The following RCSD1 variants were observed in gnomAD, a reference collection of about 807,000 sequenced individuals.
The protein encoded by RCSD1 is RCSD domain containing 1.
Under a neutral mutation model 42.5 loss-of-function variants are expected in RCSD1, and 26 were observed. The observed-to-expected ratio is 0.61, with a 90% CI of 0.45 to 0.85. The LOEUF (loss-of-function observed/expected upper bound fraction) is 0.85, where lower values mean the gene tolerates loss of function less well. RCSD1 is among the 40% of genes least tolerant of loss of function. RCSD1 has a pLI of 0.00. For missense variants in RCSD1, 571 were observed against 528.3 expected (o/e 1.08, Z -0.79); for synonymous variants, 220 against 212.2 (o/e 1.04, Z -0.32).
intron 4 of RCSD1, among the ~76,000 whole-genome samples, chr1:167,693,381 G>A (rs901807487): frequency 1.3e-5 from 2 of 152,176 alleles, no homozygotes; most frequent in Non-Finnish European, 2.9e-5. Context: ...TGAGGCTTTC[G>A]TTACCTTTGG....
At chr1:167,649,765 C>T (rs147356155) in intron 1 of RCSD1, among the ~76,000 whole-genome samples, 1 of 152,274 alleles carries the variant, frequency 6.6e-6, no homozygotes, top group East Asian at 1.9e-4. Context: ...CTATCTAAGG[C>T]CTAGCTGACG....
chr1:167,645,030 T>G (rs569971146), intron 1 of RCSD1, among the ~76,000 whole-genome samples: 12 of 152,356 alleles, frequency 7.9e-5, no homozygotes, highest in African/African-American at 2.9e-4. Context: ...GAAGAAAGTC[T>G]CCAGTGGCAG....
chr1:167,654,795 C>T (rs1420428837), intron 1 of RCSD1, among the ~76,000 whole-genome samples: 1 of 152,010 alleles, frequency 6.6e-6, no homozygotes, highest in Non-Finnish European at 1.5e-5. Flanking sequence ...GTGATGGCAG[C>T]CTGAAGTTCA....
rs551463861 is a variant in RCSD1 at position 167,644,683 on chromosome 1, TG to T, written c.6+14257del. On this transcript the variant is annotated intron_variant, in intron 1 of 6. Transcript: ENST00000367854. ...CTTCCACTTCCTCCCCCCACATACCTGGGTTGCCTGTACCCTGACAATTCCT... is the reference window on the plus strand; with the variant it reads ...CTTCCACTTCCTCCCCCCACATACCTGGTTGCCTGTACCCTGACAATTCCT... Among the ~76,000 whole-genome samples, 1,284 of 152,266 alleles carry T rather than the reference TG, an allele frequency of 8.4e-3. 30 individuals carry two copies. Among genetic ancestry groups the T allele is most frequent in the Non-Finnish European group, 6.8e-3 (461 of 68,020 alleles).
At position 167,704,669 on chromosome 1, in the gene RCSD1, C is replaced by T. The variant is rs373603774; in HGVS notation, c.1224C>T (p.Asp408=). The change falls in exon 7 of 7, where the codon GAC becomes GAT. Residue 408 remains aspartate (D), a synonymous_variant. Coordinates refer to ENST00000367854, the MANE Select transcript of RCSD1 (RefSeq NM_052862.4). ...CTTTCCTCCCCTGTTCACAGGATGA[C>T]ACTCCTGTCCAGGACACTAAAATGT... ...SEPAVPKPED[D]TPVQDTKM is the part of the protein sequence containing the mutation. 15 of 1,612,424 alleles carry T rather than the reference C, an allele frequency of 9.3e-6. No individual in the cohort carries two copies. Among genetic ancestry groups the T allele is most frequent in the Middle Eastern group, 1.6e-4 (1 of 6,070 alleles).
At chr1:167,691,419 C>T (rs1659373836) in intron 4 of RCSD1, among the ~76,000 whole-genome samples, 1 of 152,214 alleles carries the variant, frequency 6.6e-6, no homozygotes, top group South Asian at 2.1e-4. Context: ...GGAAGATGTT[C>T]CCCGTGGGGG....
chr1:167,670,186 G>C (rs1658768208), intron 1 of RCSD1, among the ~76,000 whole-genome samples: 1 of 152,060 alleles, frequency 6.6e-6, no homozygotes, highest in Admixed American at 6.5e-5. Context: ...TTTTATTATT[G>C]AACTAACCAA....
intron 3 of RCSD1, among the ~76,000 whole-genome samples, chr1:167,685,724 C>T (rs796961448): frequency 3.8e-4 from 58 of 152,282 alleles, no homozygotes; most frequent in African/African-American, 1.3e-3. Context: ...ACTGAGGCTC[C>T]TTTATGATTT....
intron 1 of RCSD1, among the ~76,000 whole-genome samples, chr1:167,639,616 C>G (rs1211270233): frequency 6.6e-6 from 1 of 152,202 alleles, no homozygotes; most frequent in Non-Finnish European, 1.5e-5. Context: ...CCTCAGCCTC[C>G]CAAGTAGCTG....
intron 1 of RCSD1, among the ~76,000 whole-genome samples, chr1:167,656,774 T>C (rs761955749): frequency 6.6e-6 from 1 of 152,186 alleles, no homozygotes; most frequent in Admixed American, 6.5e-5. Flanking sequence ...GGAAACAAGC[T>C]ACAAAGCTGG....
rs373658923 is a variant in RCSD1 at position 167,697,213 on chromosome 1, G to T, written c.589G>T (p.Gly197Cys). ...FRAVESSQQN[G>C]AKEEDGDEVL... is the part of the protein sequence containing the mutation. ...GGCGGTGGAGTCATCTCAGCAGAAC[G>T]GTGCTAAGGAAGAGGATGGGGATGA... is the stretch of plus-strand genomic sequence containing the variant. Residue 197 changes from glycine (G) to cysteine (C), a missense_variant, in exon 6 of 7, where the codon GGT (glycine) becomes TGT (cysteine). By Grantham distance (159) the Gly-to-Cys change is radical. Coordinates refer to ENST00000367854, the MANE Select transcript of RCSD1 (RefSeq NM_052862.4). 1 of 1,614,064 alleles carries T rather than the reference G, an allele frequency of 6.2e-7. No homozygotes were observed. Among genetic ancestry groups the T allele is most frequent in the African/African-American group, 1.3e-5 (1 of 74,930 alleles).
chr1:167,693,909 G>A (rs1571104079), intron 4 of RCSD1, among the ~76,000 whole-genome samples, 190 bp from the exon 5 acceptor site: 2 of 149,898 alleles, frequency 1.3e-5, no homozygotes, highest in South Asian at 4.3e-4. Flanking sequence ...GGTAGCAGAG[G>A]AGGATAGAGT....
At chr1:167,699,487 A>G (rs534316632) in intron 6 of RCSD1, among the ~76,000 whole-genome samples, 17 of 151,134 alleles carry the variant, frequency 1.1e-4, no homozygotes, top group Non-Finnish European at 2.5e-4. Context: ...TAGATGCACC[A>G]CTCCAGTCTC....
intron 3 of RCSD1, among the ~76,000 whole-genome samples, chr1:167,687,724 G>A (rs1659271027): frequency 6.6e-6 from 1 of 152,194 alleles, no homozygotes; most frequent in African/African-American, 2.4e-5. Context: ...CCAATGCACA[G>A]TGCCAGGAAG....
At chr1:167,703,196 G>A (rs1337335042) in intron 6 of RCSD1, among the ~76,000 whole-genome samples, 1 of 151,968 alleles carries the variant, frequency 6.6e-6, no homozygotes, top group African/African-American at 2.4e-5. Context: ...AGTTCTTTTG[G>A]GGACACACTC....
At position 167,648,045 on chromosome 1, in the gene RCSD1, T is replaced by G. The variant is rs566455016; in HGVS notation, c.6+17616T>G. On this transcript the variant is annotated intron_variant, in intron 1 of 6. Coordinates refer to ENST00000367854, the MANE Select transcript of RCSD1 (RefSeq NM_052862.4). ...CGAATTTTCCACATCTTTATTAGTTTTAGCCAAATGCATAATTCTTACATA... is the reference window on the plus strand; with the variant it reads ...CGAATTTTCCACATCTTTATTAGTTGTAGCCAAATGCATAATTCTTACATA... Among the ~76,000 whole-genome samples, 6 of 152,324 alleles carry G rather than the reference T, an allele frequency of 3.9e-5. No individual in the cohort carries two copies. In the South Asian group the frequency reaches 1.0e-3, roughly 26 times the overall value.
intron 1 of RCSD1, among the ~76,000 whole-genome samples, chr1:167,634,545 T>C (rs1319231729): frequency 6.6e-6 from 1 of 152,008 alleles, no homozygotes; most frequent in Non-Finnish European, 1.5e-5. Context: ...AGGACAGAGG[T>C]GTGTAAAGAA....
intron 1 of RCSD1, among the ~76,000 whole-genome samples, chr1:167,644,049 G>A (rs1160964167): frequency 6.6e-6 from 1 of 152,112 alleles, no homozygotes; most frequent in Non-Finnish European, 1.5e-5. Flanking sequence ...GGGCAATGCT[G>A]GAACAGTATC....
Position 167,697,313 on chromosome 1 carries a change from C to A in RCSD1, c.689C>A (p.Thr230Asn), listed in dbSNP as rs139793328. Residue 230 changes from threonine (T) to asparagine (N), a missense_variant, in exon 6 of 7, where the codon ACC becomes AAC. Coordinates refer to ENST00000367854, the MANE Select transcript of RCSD1 (RefSeq NM_052862.4). ...GGAGCAGCGGGAGAGGGAGTGAGAA[C>A]CCTGGGACCTGCTGAAAAGCCTCCT... ...SEGAAGEGVR[T>N]LGPAEKPPLR... 388 of 1,614,062 alleles carry A rather than the reference C, an allele frequency of 2.4e-4. No homozygotes were observed. Among genetic ancestry groups the A allele is most frequent in the Admixed American group, 5.8e-4 (35 of 59,998 alleles).
Sources: allele counts gnomAD v4.1 joint callset (sites outside exome capture counted in the v4.1 genomes callset), GRCh38; gene constraint gnomAD v4.1.1; transcripts MANE v1.5; gene names NCBI Gene and HGNC (gene_info 2026-07-23, HGNC 2026-07-21).